Variants in CACNA1B observed in about 807,000 individuals in gnomAD.
CACNA1B encodes the protein voltage-dependent N-type calcium channel subunit alpha-1B.
CACNA1B carries 70 observed loss-of-function variants against 247.2 expected under a neutral mutation model. That is an observed-to-expected ratio of 0.28 (90% confidence interval 0.23 to 0.35). The LOEUF (loss-of-function observed/expected upper bound fraction) is 0.35, where lower values mean the gene tolerates loss of function less well. Ranked by LOEUF, CACNA1B falls within the 10% of genes least tolerant of loss-of-function variation. The pLI is 1.00. For synonymous variants in CACNA1B, 1,231 were observed against 1,294.4 expected (o/e 0.95, Z 1.05); for missense variants, 2,367 against 3,197.4 (o/e 0.74, Z 6.26).
At chr9:138,004,545 G>A (rs1222396063) in intron 15 of CACNA1B, among the ~76,000 whole-genome samples, 1 of 129,994 alleles carries the variant, frequency 7.7e-6, no homozygotes, top group East Asian at 2.3e-4. Context: ...ACAAGACCCT[G>A]TCTCAAAAAA....
At chr9:137,949,351 GTGT>G (rs1466273302) in intron 6 of CACNA1B, among the ~76,000 whole-genome samples, 1 of 141,824 alleles carries the variant, frequency 7.1e-6, no homozygotes, top group African/African-American at 2.6e-5. Flanking sequence ...TAGTGTGTGT[GTGT>G]TTGGTGTTGG....
chr9:138,046,516 T>G (rs1959187147), intron 21 of CACNA1B, among the ~76,000 whole-genome samples: 1 of 152,248 alleles, frequency 6.6e-6, no homozygotes, highest in Admixed American at 6.5e-5. Flanking sequence ...GTGAAAGGGC[T>G]GGGTAGTTGA....
rs1274939614 is a variant in CACNA1B, at chr9:138,058,631, G to C, written c.4371G>C (p.Arg1457=). The C allele has an allele frequency of 6.2e-7, 1 of 1,613,816 alleles. No homozygotes were observed. The change falls in exon 29 of 47, where the codon CGG becomes CGC. Residue 1457 remains arginine (R), a synonymous_variant. Transcript: ENST00000371372. This position sits in a 1 kb window ranked among gnomAD's most constrained non-coding sequence, Gnocchi z 4.7. The part of the protein sequence containing the change: ...KPLTRYMPQN[R]QSFQYKTWTF... ...TGACACGGTACATGCCCCAAAACCG[G>C]CAGTCGTTCCAGTATAAGACGTGGA... is the stretch of plus-strand genomic sequence containing the variant.
intron 6 of CACNA1B, among the ~76,000 whole-genome samples, chr9:137,929,828 AT>A (rs1321036442): frequency 6.6e-6 from 1 of 151,896 alleles, no homozygotes; most frequent in Non-Finnish European, 1.5e-5. Flanking sequence ...TAATTTTTAA[AT>A]TTTTTGTAGA....
At chr9:138,077,616 T>C (rs1377696005) in intron 35 of CACNA1B, among the ~76,000 whole-genome samples, 1 of 152,056 alleles carries the variant, frequency 6.6e-6, no homozygotes, top group Non-Finnish European at 1.5e-5. Flanking sequence ...GAAGCTTCCA[T>C]AGCACAGGGC....
chr9:137,906,049 G>T (rs1488748065), intron 3 of CACNA1B, among the ~76,000 whole-genome samples: 1 of 152,246 alleles, frequency 6.6e-6, no homozygotes, highest in Non-Finnish European at 1.5e-5. Flanking sequence ...CCAGTGGGCT[G>T]CAGTTAGGTT....
At chr9:137,946,491 AG>A (rs1482340906) in intron 6 of CACNA1B, among the ~76,000 whole-genome samples, 1 of 152,192 alleles carries the variant, frequency 6.6e-6, no homozygotes, top group Admixed American at 6.5e-5. Context: ...CCTTCCAGGC[AG>A]GGCAGCTATC....
rs1403598921 is a variant in CACNA1B at position 137,971,157 on chromosome 9, CA to C, written c.1334-225del. Among the ~76,000 whole-genome samples, 2 of 152,128 alleles carry C rather than the reference CA, an allele frequency of 1.3e-5. No individual in the cohort carries two copies. The highest frequency in any genetic ancestry group is 3.9e-4 in the East Asian group (2 of 5,192). On this transcript the variant is annotated intron_variant, in intron 10 of 46. Transcript: ENST00000371372. This position sits in a 1 kb window ranked among gnomAD's most constrained non-coding sequence, Gnocchi z 4.4. ...ACCAGAGAAGTGAGTACAGATCATC[CA>C]CTTCAATCTGGCTCTCACATCTGGC...
At chr9:137,997,962 ATG>A (rs1261838757) in intron 15 of CACNA1B, among the ~76,000 whole-genome samples, 1 of 152,244 alleles carries the variant, frequency 6.6e-6, no homozygotes, top group Non-Finnish European at 1.5e-5. Context: ...TTAGAACTAA[ATG>A]TATTTATAGC....
chr9:137,984,461 G>A (rs1190342164), intron 13 of CACNA1B, among the ~76,000 whole-genome samples: 1 of 152,248 alleles, frequency 6.6e-6, no homozygotes, highest in African/African-American at 2.4e-5. Context: ...CGTGCTGCCG[G>A]CACACCCTTT....
Position 138,023,113 on chromosome 9 carries a change from G to T in CACNA1B, c.2370G>T (p.Glu790Asp). Residue 790 changes from glutamate (E) to aspartate (D), a missense_variant, in exon 19 of 47, where the codon GAG (glutamate) becomes GAT (aspartate). By Grantham distance (45) the Glu-to-Asp change is conservative. Coordinates refer to ENST00000371372, the MANE Select transcript of CACNA1B (RefSeq NM_000718.4). The stretch of plus-strand genomic sequence containing the variant: ...CCAGCTGCGAGGCGCTGTACAGCGA[G>T]ATGGACCCCGAGGAGCGGCTGCGCT... ...LRASCEALYS[E>D]MDPEERLRFA... The T allele has an allele frequency of 1.3e-6, 2 of 1,536,056 alleles. No individual in the cohort carries two copies. Among genetic ancestry groups the T allele is most frequent in the Non-Finnish European group, 1.7e-6 (2 of 1,148,516 alleles).
intron 6 of CACNA1B, among the ~76,000 whole-genome samples, chr9:137,926,068 CTTTT>C (rs71387875): frequency 3.8e-5 from 4 of 105,194 alleles, no homozygotes; most frequent in Admixed American, 1.1e-4. Flanking sequence ...TTTTTCCTTT[CTTTT>C]TTTTTTTTTT....
At position 137,917,827 on chromosome 9, in the gene CACNA1B, C is replaced by T. The variant is rs1044054297; in HGVS notation, c.966+396C>T. 1.3e-5 allele frequency among the ~76,000 whole-genome samples: 2 copies of T among 152,234 alleles called. No individual in the cohort carries two copies. Among genetic ancestry groups the T allele is most frequent in the African/African-American group, 4.8e-5 (2 of 41,456 alleles). On this transcript the variant is annotated intron_variant, in intron 6 of 46. Coordinates refer to ENST00000371372, the MANE Select transcript of CACNA1B (RefSeq NM_000718.4). This position sits in a 1 kb window ranked among gnomAD's most constrained non-coding sequence, Gnocchi z 5.5. ...TATTCCTGTTGACTCCTCTCAGGAA[C>T]CTGTTGCACAGATGATGAGGCTGAC...
rs768549929 is a variant in CACNA1B at position 138,114,493 on chromosome 9, A to T, written c.5649+3A>T. 1 of 1,504,898 alleles carries T rather than the reference A, an allele frequency of 6.6e-7. No homozygotes were observed. The allele number at this position is 1,504,898 out of a possible 1,614,324, so 93.2% of individuals were successfully genotyped here. On this transcript the variant is annotated splice_donor_region_variant and intron_variant, in intron 41 of 46. Coordinates refer to ENST00000371372, the MANE Select transcript of CACNA1B (RefSeq NM_000718.4). ...AGGCTCCTGGAGGCCTCTCCCAGGT[A>T]GCTGGCGGCCCTCAGTTTTCCAGGA...
At chr9:137,965,597 A>AT (rs1958065744) in intron 10 of CACNA1B, among the ~76,000 whole-genome samples, 1 of 151,610 alleles carries the variant, frequency 6.6e-6, no homozygotes, top group Non-Finnish European at 1.5e-5. Flanking sequence ...TTATTTATTT[A>AT]TTTATTTATT....
chr9:137,969,326 A>G (rs1483985009), intron 10 of CACNA1B, among the ~76,000 whole-genome samples: 1 of 152,186 alleles, frequency 6.6e-6, no homozygotes, highest in Non-Finnish European at 1.5e-5. Context: ...GTTCTGTGCA[A>G]ATACGGCTGT....
In CACNA1B at chr9:138,050,638, C is replaced by T. The variant is rs1246240778; in HGVS notation, c.3710+1323C>T. ...CAGGAGGAGGGGAAGGGGTTGGGCC[C>T]ATCCAGGCGGCTTCAGAGCAGGAGA... is the stretch of plus-strand genomic sequence containing the variant. On this transcript the variant is annotated intron_variant, in intron 24 of 46. Coordinates refer to ENST00000371372, the MANE Select transcript of CACNA1B (RefSeq NM_000718.4). The surrounding 1 kb of genome is among the most constrained non-coding windows in gnomAD (Gnocchi z 5.2). 6.6e-6 allele frequency among the ~76,000 whole-genome samples: 1 copy of T among 152,194 alleles called. No homozygotes were observed. Among genetic ancestry groups the T allele is most frequent in the East Asian group, 1.9e-4 (1 of 5,196 alleles).
chr9:138,023,247 G>A lies in CACNA1B; in HGVS notation c.2504G>A (p.Arg835Gln). The A allele has an allele frequency of 6.6e-7, 1 of 1,513,916 alleles. No homozygotes were observed. The highest frequency in any genetic ancestry group is 8.8e-7 in the Non-Finnish European group (1 of 1,139,470). 93.8% of individuals were successfully genotyped at this position (1,513,916 alleles called of 1,614,324 possible). A position where few individuals can be genotyped will look rare whatever the true frequency, so the allele number is the denominator to read the frequency against. ...CGGGGGCCCGTGGGAGGCAAAGCCCGACCTGAGGCTGCGGAGGCCCCCGAG... is the reference window on the plus strand; with the variant it reads ...CGGGGGCCCGTGGGAGGCAAAGCCCAACCTGAGGCTGCGGAGGCCCCCGAG... ...GARGPVGGKA[R>Q]PEAAEAPEGV... is the part of the protein sequence containing the mutation. Residue 835 changes from arginine to glutamine, a missense_variant, in exon 19 of 47, where the codon CGA becomes CAA. This residue lies in a region of CACNA1B where 631 missense variants were observed against 631.1 expected (regional missense o/e 1.00). Transcript: ENST00000371372.
chr9:137,900,527 GTGTGTCCA>G (rs1957223375), intron 3 of CACNA1B, among the ~76,000 whole-genome samples: 1 of 149,198 alleles, frequency 6.7e-6, no homozygotes, highest in African/African-American at 2.5e-5. Flanking sequence ...CTCTGTGTCC[GTGTGTCCA>G]TGTCTGTGCT....
Sources: gnomAD v4.1 joint callset for allele counts (sites outside exome capture counted in the v4.1 genomes callset) on GRCh38, gnomAD v4.1.1 for gene constraint, gnomAD v4.1.1 regional missense constraint, Gnocchi (gnomAD v3.1) non-coding constraint, MANE v1.5 for transcripts, NCBI Gene and HGNC (gene_info 2026-07-23, HGNC 2026-07-21) for gene names.